Variants in DIP2C observed in about 807,000 individuals in gnomAD.
DIP2C encodes the protein DIP2 acetate--CoA ligase C (putative).
Under a neutral mutation model 192.4 loss-of-function variants are expected in DIP2C, and 33 were observed. The observed-to-expected ratio is 0.17, with a 90% CI of 0.13 to 0.23. The LOEUF (loss-of-function observed/expected upper bound fraction) is 0.23, where lower values mean the gene tolerates loss of function less well. Among genes scored for constraint, DIP2C ranks in the 10% least tolerant of loss-of-function variants. The pLI, the probability that DIP2C is intolerant of heterozygous loss-of-function variation, is 1.00. For synonymous variants in DIP2C, 979 were observed against 864.1 expected, an observed-to-expected ratio of 1.13 and a Z score of -2.33; for missense variants, 1,537 against 2,110.1, an observed-to-expected ratio of 0.73 and a Z score of 5.32.
chr10:670,355 TACAC>T (rs1398634429), intron 1 of DIP2C, among the ~76,000 whole-genome samples: 3 of 151,798 alleles, frequency 2.0e-5, no homozygotes, highest in African/African-American at 4.9e-5. Flanking sequence ...TGCACATACA[TACAC>T]ATACACACAT....
intron 9 of DIP2C, among the ~76,000 whole-genome samples, chr10:401,510 T>C (rs1195342121): frequency 4.2e-5 from 6 of 141,668 alleles, no homozygotes; most frequent in Middle Eastern, 3.9e-3. Context: ...TGATTTTACA[T>C]GTGTGGTAGC....
rs538038090 is a variant in DIP2C at position 556,646 on chromosome 10, G to GC, written c.86-70117dup. ...TTTCCCTCCACAATGTTGCCACCCT[G>GC]CCCACTGGGGCCTGGCCCTGCATCC... On this transcript the variant is annotated intron_variant, in intron 1 of 36. Coordinates refer to ENST00000280886, the MANE Select transcript of DIP2C (RefSeq NM_014974.3). Among the ~76,000 whole-genome samples, 484 of 151,910 alleles carry GC rather than the reference G, an allele frequency of 3.2e-3. 1 individual carries two copies. The highest frequency in any genetic ancestry group is 5.4e-3 in the Non-Finnish European group (364 of 67,990).
chr10:593,784 C>G (rs953929590), intron 1 of DIP2C, among the ~76,000 whole-genome samples: 1 of 152,174 alleles, frequency 6.6e-6, no homozygotes, highest in Admixed American at 6.5e-5. Flanking sequence ...CATCCGTCTC[C>G]CCTCTGGACA....
intron 3 of DIP2C, among the ~76,000 whole-genome samples, chr10:449,920 C>CAACAAAAAAAAAAAAAAAAAAAAAA (rs1408389732): frequency 2.2e-5 from 3 of 135,926 alleles, no homozygotes; most frequent in Non-Finnish European, 4.6e-5. Flanking sequence ...TCAACAACAA[C>CAACAAAAAAAAAAAAAAAAAAAAAA]AAAAAAAAAA....
intron 5 of DIP2C, among the ~76,000 whole-genome samples, chr10:420,657 C>A (rs1295480931): frequency 3.9e-5 from 6 of 152,184 alleles, no homozygotes; most frequent in Non-Finnish European, 7.4e-5. Flanking sequence ...TATCTTATGC[C>A]AAATTGGCTT....
At chr10:557,977 G>A (rs910578013) in intron 1 of DIP2C, among the ~76,000 whole-genome samples, 2 of 152,034 alleles carry the variant, frequency 1.3e-5, no homozygotes, top group East Asian at 1.9e-4. Context: ...GATGCTCCCT[G>A]GCAACCTCAC....
At chr10:575,781 G>A (rs749740215) in intron 1 of DIP2C, among the ~76,000 whole-genome samples, 25 of 152,156 alleles carry the variant, frequency 1.6e-4, no homozygotes, top group Non-Finnish European at 2.6e-4. Flanking sequence ...CAGAGCCAGG[G>A]GCACAGTTTC....
chr10:583,557 G>C (rs1284798958), intron 1 of DIP2C, among the ~76,000 whole-genome samples: 4 of 152,216 alleles, frequency 2.6e-5, no homozygotes. Context: ...AAAGCACACA[G>C]GTCAGGGCCC....
intron 31 of DIP2C, among the ~76,000 whole-genome samples, chr10:311,338 G>A (rs1956556595): frequency 6.6e-6 from 1 of 152,232 alleles, no homozygotes; most frequent in Non-Finnish European, 1.5e-5. Context: ...CACTGACCGC[G>A]CACCCCGGGA....
chr10:556,262 GACGGCACCCACCCCTCCC>G (rs1392401514), intron 1 of DIP2C, among the ~76,000 whole-genome samples: 2 of 24,426 alleles, frequency 8.2e-5, no homozygotes, highest in Non-Finnish European at 7.7e-5. Flanking sequence ...CGGATCCCAG[GACGGCACCCACCCCTCCC>G]ACAGCCGGAT....
chr10:556,436 C>T (rs1013255379), intron 1 of DIP2C, among the ~76,000 whole-genome samples: 6 of 140,472 alleles, frequency 4.3e-5, no homozygotes, highest in South Asian at 2.5e-4. Context: ...AGTGTCATCA[C>T]GCAGCCACCC....
At chr10:678,013 G>C (rs556817063) in intron 1 of DIP2C, among the ~76,000 whole-genome samples, 1 of 152,262 alleles carries the variant, frequency 6.6e-6, no homozygotes, top group African/African-American at 2.4e-5. Flanking sequence ...AGCATAGCCC[G>C]AAGGTGCCAG....
At chr10:660,797 C>T (rs76453872) in intron 1 of DIP2C, among the ~76,000 whole-genome samples, 1 of 152,132 alleles carries the variant, frequency 6.6e-6, no homozygotes, top group South Asian at 2.1e-4. Context: ...GAATAGCCAC[C>T]GCAACGGGAT....
At chr10:608,990 A>C (rs1030360443) in intron 1 of DIP2C, among the ~76,000 whole-genome samples, 5 of 152,012 alleles carry the variant, frequency 3.3e-5, no homozygotes, top group Non-Finnish European at 7.4e-5. Context: ...AAAAATCCTA[A>C]TATCTACACA....
Position 609,969 on chromosome 10 carries a change from G to A in DIP2C, c.85+79525C>T, listed in dbSNP as rs115566803. Among the ~76,000 whole-genome samples, 1,502 of 152,200 alleles carry A rather than the reference G, an allele frequency of 9.9e-3. 26 individuals are homozygous for A. The highest frequency in any genetic ancestry group is 0.034 in the African/African-American group (1,414 of 41,520). ...ATTCCACCGAGGGCTTTGGGGACAG[G>A]CTGCTTGAGAACATCAAAGTGGCTC... On this transcript the variant is annotated intron_variant, in intron 1 of 36. Transcript: ENST00000280886.
chr10:612,360 A>T (rs750446844), intron 1 of DIP2C, among the ~76,000 whole-genome samples: 12 of 152,222 alleles, frequency 7.9e-5, no homozygotes, highest in Non-Finnish European at 1.8e-4. Context: ...GCTAAAAGAA[A>T]AATAATATGA....
intron 20 of DIP2C, 127 bp downstream of exon 20, chr10:364,247 A>G (rs1959906672): frequency 3.5e-6 from 4 of 1,147,026 alleles, no homozygotes; most frequent in South Asian, 1.6e-5. Context: ...AGTTGCTTCA[A>G]TAACATGGAA....
chr10:456,760 C>G (rs1444572220), intron 3 of DIP2C, among the ~76,000 whole-genome samples: 1 of 152,186 alleles, frequency 6.6e-6, no homozygotes, highest in Non-Finnish European at 1.5e-5. Flanking sequence ...CATCTGTGTT[C>G]CCTTCCACGA....
At chr10:506,966 G>A (rs999510176) in intron 1 of DIP2C, among the ~76,000 whole-genome samples, 1 of 152,076 alleles carries the variant, frequency 6.6e-6, no homozygotes, top group African/African-American at 2.4e-5. Context: ...CAACCACTGT[G>A]CAAGACGAGA....
Sources: gnomAD v4.1 joint callset for allele counts (sites outside exome capture counted in the v4.1 genomes callset) on GRCh38, gnomAD v4.1.1 for gene constraint, MANE v1.5 for transcripts, NCBI Gene and HGNC (gene_info 2026-07-23, HGNC 2026-07-21) for gene names.